ELAVL1: variants seen among roughly 807,000 people sequenced by gnomAD.
The protein encoded by ELAVL1 is ELAV-like protein 1.
ELAVL1 carries 1 observed loss-of-function variant against 28.4 expected under a neutral mutation model. That is an observed-to-expected ratio of 0.04 (90% CI 0.01 to 0.17). ELAVL1 has a LOEUF of 0.17. Ranked by LOEUF, ELAVL1 falls within the 10% of genes least tolerant of loss-of-function variation. The pLI is 1.00. For missense variants in ELAVL1, 157 were observed against 447.2 expected (o/e 0.35, Z 5.85); for synonymous variants, 174 against 183.5 (o/e 0.95, Z 0.42).
At chr19:7,995,129 T>C (rs1050430240) in intron 1 of ELAVL1, among the ~76,000 whole-genome samples, 3 of 152,190 alleles carry the variant, frequency 2.0e-5, no homozygotes, top group African/African-American at 7.2e-5. Context: ...TGTTACACCA[T>C]CTGTGGCCAC....
At chr19:8,000,272 A>G (rs988022361) in intron 1 of ELAVL1, among the ~76,000 whole-genome samples, 3 of 152,156 alleles carry the variant, frequency 2.0e-5, no homozygotes, top group East Asian at 1.9e-4. Context: ...TTTGACTCCA[A>G]TGCACTATTT....
At chr19:7,998,663 A>T (rs1186771428) in intron 1 of ELAVL1, among the ~76,000 whole-genome samples, 3 of 151,756 alleles carry the variant, frequency 2.0e-5, no homozygotes, top group Non-Finnish European at 4.4e-5. Context: ...ATTTTTTTTT[A>T]AAGAGATGGG....
In ELAVL1 at chr19:7,978,720, C is replaced by T. The variant is rs530311368; in HGVS notation, c.276+2363G>A. Among the ~76,000 whole-genome samples the T allele has an allele frequency of 2.6e-5, 4 of 152,282 alleles. No individual in the cohort carries two copies. In the South Asian group the frequency reaches 8.3e-4, roughly 32 times the overall value. On this transcript the variant is annotated intron_variant, in intron 3 of 5. Transcript: ENST00000407627. ...GTGGCGGGAACCCTGAATTTGTAGC[C>T]AGCTGGTCAAAAGTGCAGGGGCCTG...
intron 4 of ELAVL1, chr19:7,973,513 A>G (rs1488543581): frequency 8.0e-6 from 5 of 626,602 alleles, no homozygotes; most frequent in Non-Finnish European, 1.3e-5. Flanking sequence ...TACAGGCGTG[A>G]GCCACCACGC....
chr19:7,969,980 A>AT (rs1001957099), intron 4 of ELAVL1, among the ~76,000 whole-genome samples: 5 of 149,864 alleles, frequency 3.3e-5, no homozygotes, highest in South Asian at 2.1e-4. Context: ...TTTATTTTTA[A>AT]TTTTTTTTTT....
At chr19:7,997,270 T>A (rs1391822822) in intron 1 of ELAVL1, among the ~76,000 whole-genome samples, 1 of 152,230 alleles carries the variant, frequency 6.6e-6, no homozygotes, top group Non-Finnish European at 1.5e-5. Context: ...GCATTATTCA[T>A]AATCATCCAA....
chr19:8,005,611 A>ACGGCGG lies in ELAVL1; in HGVS notation c.-139_-134dup, dbSNP rs1230104333. The ACGGCGG allele has an allele frequency of 2.7e-5, 4 of 148,378 alleles. No homozygotes were observed. Among genetic ancestry groups the ACGGCGG allele is most frequent in the Non-Finnish European group, 4.5e-5 (3 of 66,850 alleles). 9.2% of individuals were successfully genotyped at this position (148,378 alleles called of 1,614,324 possible). ...GGTGGCGGCGGTGGCGGCGACGGCG[A>ACGGCGG]CGGCGGCAGCGGCTCCTCCTCAGCG... On this transcript the variant is annotated 5_prime_UTR_variant, in exon 1 of 6. Transcript: ENST00000407627.
intron 2 of ELAVL1, among the ~76,000 whole-genome samples, chr19:7,987,095 T>C (rs1248191111): frequency 2.3e-5 from 2 of 88,834 alleles, no homozygotes; most frequent in Non-Finnish European, 4.1e-5. Flanking sequence ...CGCCCAAGAG[T>C]AGAGCCTGAC....
chr19:8,005,129 G>T (rs996642427), intron 1 of ELAVL1, among the ~76,000 whole-genome samples: 1 of 152,076 alleles, frequency 6.6e-6, no homozygotes, highest in Non-Finnish European at 1.5e-5. Context: ...ACCTCTGCGC[G>T]CTCAAAGCGT....
intron 1 of ELAVL1, among the ~76,000 whole-genome samples, chr19:8,004,891 C>T (rs1206935263): frequency 2.6e-5 from 4 of 152,196 alleles, no homozygotes; most frequent in African/African-American, 9.6e-5. Flanking sequence ...CCAACAGGCA[C>T]ACACACATAT....
chr19:8,003,883 C>A (rs1394036846), intron 1 of ELAVL1, among the ~76,000 whole-genome samples: 1 of 152,140 alleles, frequency 6.6e-6, no homozygotes, highest in African/African-American at 2.4e-5. Flanking sequence ...CAGCACAGAA[C>A]TTTGCACACA....
intron 4 of ELAVL1, among the ~76,000 whole-genome samples, chr19:7,968,626 C>T (rs1234990899): frequency 6.6e-6 from 1 of 152,234 alleles, no homozygotes; most frequent in East Asian, 1.9e-4. Context: ...CTGAGCCACC[C>T]AAGGGCCAGT....
rs879361184 is a variant in ELAVL1 at position 7,961,651 on chromosome 19, C to G, written c.*1832G>C. 2 of 152,172 alleles carry G rather than the reference C, an allele frequency of 1.3e-5. No individual in the cohort carries two copies. Among genetic ancestry groups the G allele is most frequent in the Admixed American group, 1.3e-4 (2 of 15,268 alleles). 9.4% of individuals were successfully genotyped at this position (152,172 alleles called of 1,614,324 possible). Reference sequence around the variant, plus strand: ...GAGGTCCTCTCTGGCACCAGGCCGACTTTTATGAGACACAGCCTGGGTACG... The same window carrying G: ...GAGGTCCTCTCTGGCACCAGGCCGAGTTTTATGAGACACAGCCTGGGTACG... On this transcript the variant is annotated 3_prime_UTR_variant, in exon 6 of 6. Transcript: ENST00000407627.
chr19:7,967,630 C>T lies in ELAVL1; in HGVS notation c.591G>A (p.Ser197=), dbSNP rs762271808. The T allele has an allele frequency of 1.7e-5, 27 of 1,614,052 alleles. No homozygotes were observed. The highest frequency in any genetic ancestry group is 3.3e-5 in the Admixed American group (2 of 60,004). Residue 197 remains serine, a synonymous_variant, in exon 5 of 6, where the codon TCG becomes TCA. Coordinates refer to ENST00000407627, the MANE Select transcript of ELAVL1 (RefSeq NM_001419.3). Reference sequence around the variant, plus strand: ...GTCGCGCTGGCGAGTGGTACAGCTGCGAGAGGAGTGCCACGTTTTTGTTCT... The same window carrying T: ...GTCGCGCTGGCGAGTGGTACAGCTGTGAGAGGAGTGCCACGTTTTTGTTCT... ...PNQNKNVALL[S]QLYHSPARRF...
chr19:7,979,373 C>T lies in ELAVL1; in HGVS notation c.276+1710G>A, dbSNP rs562920583. On this transcript the variant is annotated intron_variant, in intron 3 of 5. Transcript: ENST00000407627. The surrounding 1 kb of genome is among the most constrained non-coding windows in gnomAD (Gnocchi z 5.4). ...TGGCTCCAAACTCAGGCAGCCACTC[C>T]AGCCTTTCCCACCAACATCAATCCT... is the stretch of plus-strand genomic sequence containing the variant. 6.6e-6 allele frequency among the ~76,000 whole-genome samples: 1 copy of T among 152,376 alleles called. No homozygotes were observed. The highest frequency in any genetic ancestry group is 1.5e-5 in the Non-Finnish European group (1 of 68,036).
At chr19:7,989,055 C>A (rs1428041224) in intron 2 of ELAVL1, among the ~76,000 whole-genome samples, 1 of 152,142 alleles carries the variant, frequency 6.6e-6, no homozygotes, top group East Asian at 1.9e-4. Flanking sequence ...CTCGGAGACA[C>A]CCGTGTTGTG....
chr19:7,999,726 G>A (rs1333838605), intron 1 of ELAVL1, among the ~76,000 whole-genome samples: 3 of 152,110 alleles, frequency 2.0e-5, no homozygotes, highest in African/African-American at 7.2e-5. Flanking sequence ...AGGACTGCAG[G>A]TGCGTGTCAC....
chr19:7,992,456 A>G (rs990711346), intron 1 of ELAVL1, among the ~76,000 whole-genome samples: 2 of 152,246 alleles, frequency 1.3e-5, no homozygotes, highest in South Asian at 4.1e-4. Flanking sequence ...CTATTAAGCT[A>G]GGAAAGACAT....
chr19:7,980,713 C>A (rs549536272), intron 3 of ELAVL1, among the ~76,000 whole-genome samples: 93 of 152,302 alleles, frequency 6.1e-4, no homozygotes, highest in African/African-American at 2.1e-3. Flanking sequence ...GTGGGGCACA[C>A]AGTAGGTGCT....
Sources: allele counts gnomAD v4.1 joint callset (sites outside exome capture counted in the v4.1 genomes callset), GRCh38; gene constraint gnomAD v4.1.1; non-coding constraint Gnocchi (gnomAD v3.1); transcripts MANE v1.5; gene names NCBI Gene and HGNC (gene_info 2026-07-23, HGNC 2026-07-21).